BRD10: variants seen among roughly 807,000 people sequenced by gnomAD.
BRD10 encodes bromodomain containing 10.
the BRD10 span, among the ~76,000 whole-genome samples, chr9:5,993,600 G>A: frequency 6.6e-6 from 1 of 152,140 alleles, no homozygotes; most frequent in South Asian, 2.1e-4. Flanking sequence ...ATAGTTACTG[G>A]AACCCAGAGA....
the BRD10 span, chr9:5,922,134 T>C: frequency 6.2e-7 from 1 of 1,613,984 alleles, no homozygotes; most frequent in Non-Finnish European, 8.5e-7. Flanking sequence ...ACTCCAGTGT[T>C]CCCACCTCGT....
the BRD10 span, chr9:5,933,921 T>C: frequency 9.2e-4 from 421 of 457,788 alleles, 5 homozygotes; most frequent in South Asian, 6.4e-3. Context: ...AAATTCTATA[T>C]TAAATGTCTC....
chr9:5,947,138 G>C, the BRD10 span, among the ~76,000 whole-genome samples: 1 of 152,126 alleles, frequency 6.6e-6, no homozygotes, highest in African/African-American at 2.4e-5. Context: ...CAGCTTAAGA[G>C]CTACATAAAA....
chr9:5,914,815 C>G, the BRD10 span, among the ~76,000 whole-genome samples: 1 of 151,934 alleles, frequency 6.6e-6, no homozygotes, highest in Non-Finnish European at 1.5e-5. Context: ...TGTATTTAGG[C>G]TGAATTAAAT....
At chr9:5,986,512 A>G in the BRD10 span, among the ~76,000 whole-genome samples, 1 of 152,158 alleles carries the variant, frequency 6.6e-6, no homozygotes, top group East Asian at 1.9e-4. Context: ...GCTGGGTCAA[A>G]TGGTTCTAGA....
At chr9:5,903,709 T>C in the BRD10 span, among the ~76,000 whole-genome samples, 1 of 152,248 alleles carries the variant, frequency 6.6e-6, no homozygotes, top group Admixed American at 6.5e-5. Context: ...TTAGGTGTTC[T>C]TATGTCTTCT....
chr9:5,903,731 C>T, the BRD10 span, among the ~76,000 whole-genome samples: 18 of 152,282 alleles, frequency 1.2e-4, no homozygotes, highest in Middle Eastern at 0.017. Context: ...GGAGAATGAA[C>T]ACCTTTATCG....
chr9:5,970,972 A>C, the BRD10 span, among the ~76,000 whole-genome samples: 1 of 145,786 alleles, frequency 6.9e-6, no homozygotes, highest in African/African-American at 2.5e-5. Context: ...GAATCGCTTG[A>C]ATCTGGGAGG....
the BRD10 span, among the ~76,000 whole-genome samples, chr9:5,957,713 C>T: frequency 6.6e-6 from 1 of 151,822 alleles, no homozygotes; most frequent in Admixed American, 6.6e-5. Flanking sequence ...TTTTTAATAC[C>T]TTCAGTATAT....
At chr9:6,006,959 C>T in the BRD10 span, among the ~76,000 whole-genome samples, 1 of 152,226 alleles carries the variant, frequency 6.6e-6, no homozygotes, top group African/African-American at 2.4e-5. Flanking sequence ...ATACCCAGCT[C>T]TTCAGCGCTG....
At chr9:5,906,813 C>A in the BRD10 span, 4 of 994,378 alleles carry the variant, frequency 4.0e-6, no homozygotes, top group East Asian at 8.5e-5. Context: ...AAAACTTTGG[C>A]TTCCTTCTCT....
At chr9:5,983,174 A>G in the BRD10 span, among the ~76,000 whole-genome samples, 1 of 152,192 alleles carries the variant, frequency 6.6e-6, no homozygotes. Context: ...AGTTCTGACC[A>G]GCTGAAGCAG....
chr9:5,914,177 C>G, the BRD10 span: 1 of 368,686 alleles, frequency 2.7e-6, no homozygotes, highest in Non-Finnish European at 5.3e-6. Flanking sequence ...CATGCATCAT[C>G]ATGTCTGCGA....
chr9:5,922,699 G>T, the BRD10 span: 6 of 1,613,908 alleles, frequency 3.7e-6, no homozygotes, highest in Non-Finnish European at 5.1e-6. Flanking sequence ...CTTGCTGCAT[G>T]ATTTTTTCTC....
the BRD10 span, among the ~76,000 whole-genome samples, chr9:5,935,323 G>A: frequency 6.6e-6 from 1 of 152,180 alleles, no homozygotes; most frequent in African/African-American, 2.4e-5. Context: ...TAGAAAGCAT[G>A]AAGGCAAACT....
At chr9:5,897,543 A>C in the BRD10 span, 1 of 1,610,896 alleles carries the variant, frequency 6.2e-7, no homozygotes, top group East Asian at 2.2e-5. Context: ...GGATTTGTCT[A>C]TCTCTTGGGC....
chr9:5,997,025 T>A, the BRD10 span, among the ~76,000 whole-genome samples: 1 of 152,216 alleles, frequency 6.6e-6, no homozygotes, highest in East Asian at 1.9e-4. Context: ...TAAGCATTGA[T>A]GAGGCTTTAA....
chr9:5,944,124 G>T, the BRD10 span, among the ~76,000 whole-genome samples: 1 of 151,870 alleles, frequency 6.6e-6, no homozygotes, highest in Admixed American at 6.6e-5. Flanking sequence ...AAAACGAAAG[G>T]TTTAAAAAAA....
chr9:5,951,273 T>C, the BRD10 span, among the ~76,000 whole-genome samples: 1,421 of 151,942 alleles, frequency 9.4e-3, 20 homozygotes, highest in African/African-American at 0.032. Context: ...AACAAAAACA[T>C]TGTCAAACTA....
Sources: allele counts gnomAD v4.1 joint callset (sites outside exome capture counted in the v4.1 genomes callset), GRCh38; gene constraint gnomAD v4.1.1; transcripts MANE v1.5; gene names NCBI Gene and HGNC (gene_info 2026-07-23, HGNC 2026-07-21).